Variants in SEMA6D observed in about 807,000 individuals in gnomAD.
SEMA6D encodes semaphorin-6D.
A neutral mutation model predicts 106.6 loss-of-function variants in SEMA6D; 35 were observed. That is an observed-to-expected ratio of 0.33 (90% CI 0.25 to 0.44). The LOEUF (loss-of-function observed/expected upper bound fraction) is 0.44, where lower values mean the gene tolerates loss of function less well. Ranked by LOEUF, SEMA6D falls within the 20% of genes least tolerant of loss-of-function variation. The pLI, the probability that SEMA6D is intolerant of heterozygous loss-of-function variation, is 1.00. For missense variants in SEMA6D, 1,185 were observed against 1,345.9 expected (o/e 0.88, Z 1.87); for synonymous variants, 499 against 487.7 (o/e 1.02, Z -0.31).
chr15:47,626,809 C>CA (rs2144378797), intron 4 of SEMA6D, among the ~76,000 whole-genome samples: 1 of 151,238 alleles, frequency 6.6e-6, no homozygotes, highest in South Asian at 2.1e-4. Flanking sequence ...AATTATCTAC[C>CA]AAAAAAGAAA....
intron 1 of SEMA6D, among the ~76,000 whole-genome samples, chr15:47,276,792 A>C (rs1233097803): frequency 6.6e-6 from 1 of 152,158 alleles, no homozygotes; most frequent in Non-Finnish European, 1.5e-5. Context: ...TTCTTTAGTA[A>C]ATAATTTTGT....
chr15:47,468,569 C>T (rs1254207972), intron 2 of SEMA6D, among the ~76,000 whole-genome samples: 2 of 152,128 alleles, frequency 1.3e-5, no homozygotes, highest in Non-Finnish European at 2.9e-5. Flanking sequence ...GGAGCGAGTT[C>T]ACAGCAAAGG....
In SEMA6D at chr15:47,657,201, C is replaced by T. The variant is rs574047065; in HGVS notation, c.-55+56305C>T. On this transcript the variant is annotated intron_variant, in intron 4 of 19. Coordinates refer to the SEMA6D transcript ENST00000558014. Reference sequence around the variant, plus strand: ...ATTTATAGAAAAAAGTGATTGAGCACAGACAGATGATAAAGAGTGAACTGA... The same window carrying T: ...ATTTATAGAAAAAAGTGATTGAGCATAGACAGATGATAAAGAGTGAACTGA... Among the ~76,000 whole-genome samples, 4 of 152,234 alleles carry T rather than the reference C, an allele frequency of 2.6e-5. No individual in the cohort carries two copies. The East Asian group carries it at 7.7e-4, about 29-fold the overall frequency.
chr15:47,411,515 T>A (rs950779216), intron 1 of SEMA6D, among the ~76,000 whole-genome samples: 5 of 152,218 alleles, frequency 3.3e-5, no homozygotes, highest in African/African-American at 1.2e-4. Context: ...ATAAAACTTA[T>A]ATCTCCTCTT....
At chr15:47,535,070 A>C (rs1196783728) in intron 3 of SEMA6D, among the ~76,000 whole-genome samples, 5 of 99,482 alleles carry the variant, frequency 5.0e-5, no homozygotes, top group East Asian at 2.2e-4. Context: ...AGAATGTGAC[A>C]AAAAAAAAAA....
At chr15:47,703,672 T>C (rs2078859760) in intron 4 of SEMA6D, among the ~76,000 whole-genome samples, 1 of 152,102 alleles carries the variant, frequency 6.6e-6, no homozygotes, top group African/African-American at 2.4e-5. Context: ...TATAGATAAT[T>C]CTGGCAAAAG....
chr15:47,557,156 G>C (rs2045938836), intron 3 of SEMA6D, among the ~76,000 whole-genome samples: 1 of 152,088 alleles, frequency 6.6e-6, no homozygotes, highest in South Asian at 2.1e-4. Context: ...GCAGAATGGG[G>C]AAAAGGAAAG....
chr15:47,663,656 C>A (rs11638171), intron 4 of SEMA6D, among the ~76,000 whole-genome samples: 41,203 of 151,830 alleles, frequency 0.27, 5,693 homozygotes, highest in South Asian at 0.3. Context: ...GGAAACGACA[C>A]CCCTCAGAAG....
intron 1 of SEMA6D, among the ~76,000 whole-genome samples, chr15:47,351,056 A>G (rs531595): frequency 0.47 from 71,017 of 152,054 alleles, 19,701 homozygotes; most frequent in South Asian, 0.61. Context: ...TACCCTGCCC[A>G]GCTGTCAAGC....
chr15:47,576,010 T>C (rs189842199), intron 3 of SEMA6D, among the ~76,000 whole-genome samples: 281 of 152,312 alleles, frequency 1.8e-3, no homozygotes, highest in African/African-American at 6.6e-3. Context: ...AATGAGACAT[T>C]TGCATTACAA....
intron 4 of SEMA6D, among the ~76,000 whole-genome samples, chr15:47,646,361 A>C (rs2144843868): frequency 6.6e-6 from 1 of 152,360 alleles, no homozygotes; most frequent in Middle Eastern, 3.4e-3. Flanking sequence ...GGCAGCCTGA[A>C]GGATGTTTGA....
intron 4 of SEMA6D, among the ~76,000 whole-genome samples, chr15:47,665,936 A>G (rs951131476): frequency 6.6e-6 from 1 of 152,252 alleles, no homozygotes; most frequent in East Asian, 1.9e-4. Flanking sequence ...GCATTTGGCA[A>G]TAATACAGAC....
intron 1 of SEMA6D, among the ~76,000 whole-genome samples, chr15:47,320,800 T>G (rs2036894363): frequency 6.6e-6 from 1 of 152,174 alleles, no homozygotes; most frequent in Non-Finnish European, 1.5e-5. Context: ...TATTTTGTTT[T>G]AGCACTTTAC....
At chr15:47,577,718 C>T (rs532656471) in intron 3 of SEMA6D, among the ~76,000 whole-genome samples, 65 of 152,308 alleles carry the variant, frequency 4.3e-4, no homozygotes, top group African/African-American at 1.4e-3. Context: ...TGCTTTCCCT[C>T]CCTTACCATT....
chr15:47,253,471 T>C (rs2033630848), intron 1 of SEMA6D, among the ~76,000 whole-genome samples: 2 of 152,190 alleles, frequency 1.3e-5, no homozygotes, highest in Non-Finnish European at 2.9e-5. Flanking sequence ...GTGTTTTCTT[T>C]CAGTAGTTTT....
intron 4 of SEMA6D, among the ~76,000 whole-genome samples, chr15:47,682,067 G>A (rs1295306094): frequency 7.9e-5 from 12 of 152,206 alleles, no homozygotes; most frequent in Non-Finnish European, 8.8e-5. Context: ...AGGATTTAGG[G>A]GATGTATGTA....
chr15:47,480,417 A>G (rs984763221), intron 3 of SEMA6D, among the ~76,000 whole-genome samples: 3 of 152,076 alleles, frequency 2.0e-5, no homozygotes, highest in Non-Finnish European at 4.4e-5. Flanking sequence ...ATTACCCACA[A>G]GCAAGGCCCA....
At chr15:47,565,440 C>T (rs368314211) in intron 3 of SEMA6D, among the ~76,000 whole-genome samples, 22 of 152,224 alleles carry the variant, frequency 1.4e-4, no homozygotes, top group Admixed American at 8.5e-4. Flanking sequence ...CACTCCCTCC[C>T]GTGAGGAGTT....
chr15:47,343,806 G>T lies in SEMA6D; in HGVS notation c.-238-68587G>T, dbSNP rs190691605. Among the ~76,000 whole-genome samples the T allele has an allele frequency of 3.9e-5, 6 of 151,966 alleles. No homozygotes were observed. In the South Asian group the frequency reaches 1.2e-3, roughly 31 times the overall value. On this transcript the variant is annotated intron_variant, in intron 1 of 19. Coordinates refer to the SEMA6D transcript ENST00000558014. ...ATGGCTGGGTCAAATGGTATTTCTAGTTATATGGGAGAAAATTTTTGCAAC... is the reference window on the plus strand; with the variant it reads ...ATGGCTGGGTCAAATGGTATTTCTATTTATATGGGAGAAAATTTTTGCAAC...
Sources: allele counts gnomAD v4.1 joint callset (sites outside exome capture counted in the v4.1 genomes callset), GRCh38; gene constraint gnomAD v4.1.1; transcripts MANE v1.5; gene names NCBI Gene and HGNC (gene_info 2026-07-23, HGNC 2026-07-21).